MAN1A1: variants seen among roughly 807,000 people sequenced by gnomAD.
MAN1A1 encodes the protein mannosyl-oligosaccharide 1,2-alpha-mannosidase IA.
A neutral mutation model predicts 70.8 loss-of-function variants in MAN1A1; 29 were observed. The ratio of observed to expected loss-of-function variants is 0.41; its 90% confidence interval spans 0.31 to 0.56. MAN1A1 has a LOEUF of 0.56. MAN1A1 is among the 20% of genes least tolerant of loss of function. The pLI is 0.29. For synonymous variants in MAN1A1, 349 were observed against 330.1 expected, an observed-to-expected ratio of 1.06 and a Z score of -0.62; for missense variants, 747 against 841.3, an observed-to-expected ratio of 0.89 and a Z score of 1.39.
intron 5 of MAN1A1, among the ~76,000 whole-genome samples, chr6:119,289,753 G>T (rs894856433): frequency 6.6e-6 from 1 of 152,042 alleles, no homozygotes; most frequent in Non-Finnish European, 1.5e-5. Context: ...GAAAGTACTT[G>T]AGAGACAGGA....
chr6:119,193,394 T>C (rs1327754129), intron 9 of MAN1A1, among the ~76,000 whole-genome samples: 2 of 151,548 alleles, frequency 1.3e-5, no homozygotes, highest in Non-Finnish European at 3.0e-5. Context: ...TTACTTCACA[T>C]GGAGGTAGCC....
At chr6:119,228,521 C>T (rs1451088731) in intron 6 of MAN1A1, among the ~76,000 whole-genome samples, 1 of 151,982 alleles carries the variant, frequency 6.6e-6, no homozygotes, top group African/African-American at 2.4e-5. Flanking sequence ...ACACAAAAGA[C>T]CCTTGTAATT....
intron 2 of MAN1A1, among the ~76,000 whole-genome samples, chr6:119,347,877 A>G (rs1482211249): frequency 2.0e-5 from 3 of 152,280 alleles, no homozygotes; most frequent in Non-Finnish European, 4.4e-5. Context: ...GCTGTGCATT[A>G]GAAATACAAG....
At chr6:119,257,636 G>A (rs1399240037) in intron 5 of MAN1A1, among the ~76,000 whole-genome samples, 1 of 152,060 alleles carries the variant, frequency 6.6e-6, no homozygotes, top group Admixed American at 6.5e-5. Context: ...AATAAGTAGC[G>A]GGCTGGGAGC....
chr6:119,286,905 T>G (rs1217260372), intron 5 of MAN1A1, among the ~76,000 whole-genome samples: 1 of 152,098 alleles, frequency 6.6e-6, no homozygotes, highest in Non-Finnish European at 1.5e-5. Flanking sequence ...ATATTCACCA[T>G]AGTGGGCGAA....
At chr6:119,224,867 G>C (rs1227135711) in intron 6 of MAN1A1, among the ~76,000 whole-genome samples, 1 of 151,862 alleles carries the variant, frequency 6.6e-6, no homozygotes, top group Non-Finnish European at 1.5e-5. Context: ...AGTGGCTCAT[G>C]CCTGTAATCC....
At chr6:119,199,053 A>G (rs952291404) in intron 8 of MAN1A1, among the ~76,000 whole-genome samples, 10 of 152,216 alleles carry the variant, frequency 6.6e-5, no homozygotes, top group South Asian at 2.1e-4. Context: ...TGCTTTGGTC[A>G]TTTGGAAAAT....
chr6:119,204,955 G>GA (rs1350865312), intron 6 of MAN1A1, 73 bp from the exon 7 acceptor site: 1 of 1,493,284 alleles, frequency 6.7e-7, no homozygotes, highest in African/African-American at 1.4e-5. Flanking sequence ...TAGCAGACAT[G>GA]AAATAGACAG....
intron 11 of MAN1A1, among the ~76,000 whole-genome samples, chr6:119,184,639 A>ATGTCTG (rs1372015507): frequency 2.6e-5 from 4 of 152,094 alleles, no homozygotes; most frequent in Non-Finnish European, 5.9e-5. Flanking sequence ...CTGAGTGGAA[A>ATGTCTG]AGGTTAGGTT....
chr6:119,342,072 T>C (rs1773609219), intron 2 of MAN1A1, among the ~76,000 whole-genome samples: 1 of 152,248 alleles, frequency 6.6e-6, no homozygotes, highest in African/African-American at 2.4e-5. Flanking sequence ...AGAGACAAAT[T>C]AATTCTTTAA....
chr6:119,296,653 T>C (rs1772224377), intron 4 of MAN1A1, among the ~76,000 whole-genome samples: 1 of 152,070 alleles, frequency 6.6e-6, no homozygotes, highest in South Asian at 2.1e-4. Context: ...TACAACTTAC[T>C]TTCTTGAAAA....
At chr6:119,234,125 C>T (rs560721222) in intron 6 of MAN1A1, among the ~76,000 whole-genome samples, 7 of 152,190 alleles carry the variant, frequency 4.6e-5, no homozygotes, top group Non-Finnish European at 1.0e-4. Flanking sequence ...GAAAACAACA[C>T]ACTTGATCTC....
In MAN1A1 at chr6:119,177,360, T is replaced by C. The variant is rs1246566917; in HGVS notation, c.*2459A>G. On this transcript the variant is annotated 3_prime_UTR_variant, in exon 13 of 13. Transcript: ENST00000368468. ...TTATGTAAAAATAAAAAACAATCAA[T>C]GTACACAATGTGTAGCTCATATGAA... 2.0e-5 allele frequency: 3 copies of C among 152,076 alleles called. No homozygotes were observed. The highest frequency in any genetic ancestry group is 4.4e-5 in the Non-Finnish European group (3 of 67,946). 9.4% of individuals were successfully genotyped at this position (152,076 alleles called of 1,614,324 possible). A position where few individuals can be genotyped will look rare whatever the true frequency, so the allele number is the denominator to read the frequency against.
chr6:119,222,165 G>A (rs1365273438), intron 6 of MAN1A1, among the ~76,000 whole-genome samples: 1 of 152,012 alleles, frequency 6.6e-6, no homozygotes, highest in African/African-American at 2.4e-5. Flanking sequence ...ATATTTTCCA[G>A]AGTTCATTTT....
intron 2 of MAN1A1, among the ~76,000 whole-genome samples, chr6:119,336,218 C>T (rs1242224767): frequency 7.9e-5 from 12 of 152,238 alleles, no homozygotes; most frequent in African/African-American, 2.6e-4. Context: ...TACAGGCTCA[C>T]GCCACCACAC....
At chr6:119,193,692 T>A (rs763021348) in intron 9 of MAN1A1, 85 bp downstream of exon 9, 299 of 812,508 alleles carry the variant, frequency 3.7e-4, no homozygotes, top group Non-Finnish European at 5.2e-4. Flanking sequence ...ACTCATGTAG[T>A]ATACCACTTA....
intron 8 of MAN1A1, among the ~76,000 whole-genome samples, chr6:119,200,649 A>T (rs1322492214): frequency 6.6e-6 from 1 of 152,176 alleles, no homozygotes; most frequent in Non-Finnish European, 1.5e-5. Context: ...CTGAATCTTT[A>T]TGCCCCTGCT....
At chr6:119,314,501 A>G (rs1772797916) in intron 2 of MAN1A1, among the ~76,000 whole-genome samples, 3 of 152,202 alleles carry the variant, frequency 2.0e-5, no homozygotes. Context: ...GGGTATTATT[A>G]TCCCTGTTTT....
intron 5 of MAN1A1, among the ~76,000 whole-genome samples, chr6:119,265,613 C>A (rs1775732176): frequency 1.3e-5 from 2 of 152,170 alleles, no homozygotes; most frequent in South Asian, 4.1e-4. Context: ...TAATTAGAAT[C>A]CAGAAGGCAG....
Sources: gnomAD v4.1 joint callset for allele counts (sites outside exome capture counted in the v4.1 genomes callset) on GRCh38, gnomAD v4.1.1 for gene constraint, MANE v1.5 for transcripts, NCBI Gene and HGNC (gene_info 2026-07-23, HGNC 2026-07-21) for gene names.